Variants in NRCAM observed in about 807,000 individuals in gnomAD.
The protein encoded by NRCAM is neuronal cell adhesion molecule.
Under a neutral mutation model 156.5 loss-of-function variants are expected in NRCAM, and 83 were observed. The observed-to-expected ratio is 0.53, with a 90% CI of 0.44 to 0.64. The LOEUF (loss-of-function observed/expected upper bound fraction) is 0.64, where lower values mean the gene tolerates loss of function less well. Ranked by LOEUF, NRCAM falls within the 30% of genes least tolerant of loss-of-function variation. NRCAM has a pLI of 0.00. For synonymous variants in NRCAM, 538 were observed against 563.9 expected, an observed-to-expected ratio of 0.95 and a Z score of 0.65; for missense variants, 1,417 against 1,597.3, an observed-to-expected ratio of 0.89 and a Z score of 1.92.
chr7:108,248,203 A>G (rs191947894), intron 3 of NRCAM, among the ~76,000 whole-genome samples: 107 of 152,288 alleles, frequency 7.0e-4, no homozygotes, highest in African/African-American at 2.4e-3. Context: ...GATATTCTAA[A>G]CATGCTATAC....
chr7:108,260,959 T>C (rs932033155), intron 3 of NRCAM, among the ~76,000 whole-genome samples: 15 of 152,074 alleles, frequency 9.9e-5, no homozygotes, highest in Non-Finnish European at 2.9e-5. Context: ...AAGAATCAAC[T>C]GGTTGATTGC....
chr7:108,259,374 A>G (rs898464915), intron 3 of NRCAM, among the ~76,000 whole-genome samples: 1 of 152,238 alleles, frequency 6.6e-6, no homozygotes, highest in Non-Finnish European at 1.5e-5. Context: ...GAGAAACAGG[A>G]ACGCTCTGAC....
At chr7:108,447,268 T>TC (rs1845474796) in intron 1 of NRCAM, among the ~76,000 whole-genome samples, 1 of 143,760 alleles carries the variant, frequency 7.0e-6, no homozygotes, top group South Asian at 2.3e-4. Flanking sequence ...TCTTTTTTTT[T>TC]TTTTTTTTTT....
intron 2 of NRCAM, among the ~76,000 whole-genome samples, chr7:108,333,870 A>G (rs565972444): frequency 1.8e-4 from 28 of 152,178 alleles, no homozygotes; most frequent in Non-Finnish European, 3.1e-4. Flanking sequence ...ACTATGGGAA[A>G]TAATAACATT....
At chr7:108,223,522 A>G (rs2092833919) in intron 11 of NRCAM, among the ~76,000 whole-genome samples, 1 of 152,222 alleles carries the variant, frequency 6.6e-6, no homozygotes, top group South Asian at 2.1e-4. Context: ...ACTTATTTCA[A>G]TAAGATTACT....
intron 13 of NRCAM, among the ~76,000 whole-genome samples, chr7:108,203,181 T>A (rs80339412): frequency 0.016 from 2,399 of 152,316 alleles, 53 homozygotes; most frequent in African/African-American, 0.054. Context: ...CTGGGTTCTA[T>A]TTTCACACCC....
chr7:108,395,496 A>G (rs1347083387), intron 2 of NRCAM, among the ~76,000 whole-genome samples: 1 of 152,182 alleles, frequency 6.6e-6, no homozygotes, highest in African/African-American at 2.4e-5. Context: ...AAAACCCCAC[A>G]TTATAAAAGG....
chr7:108,161,602 G>T (rs144483131), intron 30 of NRCAM, among the ~76,000 whole-genome samples: 2 of 151,900 alleles, frequency 1.3e-5, no homozygotes, highest in South Asian at 4.2e-4. Context: ...AATTTCTTCC[G>T]AATATATTTT....
intron 1 of NRCAM, among the ~76,000 whole-genome samples, chr7:108,430,255 G>A (rs1823252352): frequency 6.6e-6 from 1 of 152,120 alleles, no homozygotes; most frequent in African/African-American, 2.4e-5. Flanking sequence ...CATTGTTAGA[G>A]GATCCTCTGT....
intron 2 of NRCAM, among the ~76,000 whole-genome samples, chr7:108,371,393 TA>T (rs1025689905): frequency 1.3e-5 from 2 of 152,078 alleles, no homozygotes; most frequent in African/African-American, 4.8e-5. Context: ...CTACAACCAG[TA>T]AGCAGGGAGG....
chr7:108,187,125 T>C (rs559497207), intron 20 of NRCAM, among the ~76,000 whole-genome samples: 17 of 152,326 alleles, frequency 1.1e-4, no homozygotes, highest in Non-Finnish European at 1.9e-4. Context: ...ACCCAGTCTG[T>C]CTGCTTCCCC....
chr7:108,293,165 T>G (rs1411411319), intron 3 of NRCAM, among the ~76,000 whole-genome samples: 1 of 152,144 alleles, frequency 6.6e-6, no homozygotes. Flanking sequence ...TTGTGATTAA[T>G]TAACAGCCTT....
chr7:108,184,101 T>C, intron 22 of NRCAM, 140 bp downstream of exon 22: 2 of 415,752 alleles, frequency 4.8e-6, no homozygotes, highest in South Asian at 4.9e-5. Flanking sequence ...AGTAAAGATA[T>C]ATATGTATCT....
chr7:108,189,566 G>T, intron 20 of NRCAM, 79 bp downstream of exon 20: 2 of 719,774 alleles, frequency 2.8e-6, no homozygotes, highest in South Asian at 3.2e-5. Context: ...CCTTTGTGAG[G>T]AAATTCAGCT....
chr7:108,355,524 C>T (rs568368196), intron 2 of NRCAM, among the ~76,000 whole-genome samples: 1 of 152,262 alleles, frequency 6.6e-6, no homozygotes, highest in Non-Finnish European at 1.5e-5. Flanking sequence ...AATAGTACCC[C>T]CAGCTTATCC....
intron 2 of NRCAM, among the ~76,000 whole-genome samples, chr7:108,385,646 G>T (rs941598238): frequency 1.3e-5 from 2 of 152,118 alleles, no homozygotes; most frequent in African/African-American, 4.8e-5. Context: ...CAGTAGATTA[G>T]TTCAATAATT....
intron 3 of NRCAM, among the ~76,000 whole-genome samples, chr7:108,287,296 A>C (rs1223002509): frequency 1.3e-5 from 2 of 152,156 alleles, no homozygotes; most frequent in Non-Finnish European, 2.9e-5. Flanking sequence ...AGTCCTGAAA[A>C]GGAAACACAA....
At chr7:108,333,739 T>C (rs914079916) in intron 2 of NRCAM, among the ~76,000 whole-genome samples, 2 of 152,174 alleles carry the variant, frequency 1.3e-5, no homozygotes, top group African/African-American at 2.4e-5. Context: ...GTTCATACAA[T>C]AGAAAGTTCA....
chr7:108,239,829 A>G (rs2095414983), intron 4 of NRCAM, 130 bp downstream of exon 4: 1 of 568,796 alleles, frequency 1.8e-6, no homozygotes, highest in East Asian at 3.0e-5. Flanking sequence ...TGAAGGTAAA[A>G]GCCAAATTAA....
Sources: allele counts gnomAD v4.1 joint callset (sites outside exome capture counted in the v4.1 genomes callset), GRCh38; gene constraint gnomAD v4.1.1; transcripts MANE v1.5; gene names NCBI Gene and HGNC (gene_info 2026-07-23, HGNC 2026-07-21).